SPTB: variants seen among roughly 807,000 people sequenced by gnomAD.
SPTB encodes the protein spectrin beta, erythrocytic.
In SPTB, 45 loss-of-function variants were observed where a neutral mutation model predicts 256.2. The observed-to-expected ratio is 0.18, with a 90% CI of 0.14 to 0.23. The LOEUF is 0.23. Ranked by LOEUF, SPTB falls within the 10% of genes least tolerant of loss-of-function variation. The pLI, the probability that SPTB is intolerant of heterozygous loss-of-function variation, is 1.00. For synonymous variants in SPTB, 1,231 were observed against 1,243.1 expected, an observed-to-expected ratio of 0.99 and a Z score of 0.21; for missense variants, 2,715 against 3,040.4, an observed-to-expected ratio of 0.89 and a Z score of 2.52.
intron 33 of SPTB, among the ~76,000 whole-genome samples, chr14:64,753,214 A>C (rs974718581): frequency 6.6e-6 from 1 of 152,188 alleles, no homozygotes. Flanking sequence ...CCAAGTGCCT[A>C]CTGTGTGCCA....
chr14:64,753,444 C>T (rs2081978728), intron 33 of SPTB, 93 bp downstream of exon 33: 1 of 1,593,950 alleles, frequency 6.3e-7, no homozygotes, highest in East Asian at 2.2e-5. Context: ...ACCCCTCCCC[C>T]AGCACATGCC....
chr14:64,775,299 C>T lies in SPTB; in HGVS notation c.4668G>A (p.Glu1556=), dbSNP rs1234003150. ...AGCTCTGCAGGTGCCCCAGGCGCTCCTCAAGGTCCTGGCAGTCGATCTCCG... is the reference window on the plus strand; with the variant it reads ...AGCTCTGCAGGTGCCCCAGGCGCTCTTCAAGGTCCTGGCAGTCGATCTCCG... ...EAAEIDCQDL[E]ERLGHLQSSW... is the part of the protein sequence containing the mutation. Residue 1556 remains glutamate, a synonymous_variant, in exon 23 of 36, where the codon GAG becomes GAA. Transcript: ENST00000644917. The surrounding 1 kb of genome is among the most constrained non-coding windows in gnomAD (Gnocchi z 5.0). 6.2e-7 allele frequency: 1 copy of T among 1,613,164 alleles called. No individual in the cohort carries two copies. The highest frequency in any genetic ancestry group is 8.5e-7 in the Non-Finnish European group (1 of 1,179,762).
rs1196954686 is a variant in SPTB, at chr14:64,873,125, C to T, written c.-52+6667G>A. The stretch of plus-strand genomic sequence containing the variant: ...ATCAGATAGTGTTTTCCCAACCACC[C>T]TACCTGAAATAGTAGAACCACCCTT... On this transcript the variant is annotated intron_variant, in intron 1 of 35. Transcript: ENST00000644917. The surrounding 1 kb of genome is among the most constrained non-coding windows in gnomAD (Gnocchi z 4.3). 1.3e-5 allele frequency among the ~76,000 whole-genome samples: 2 copies of T among 152,184 alleles called. No individual in the cohort carries two copies. Among genetic ancestry groups the T allele is most frequent in the African/African-American group, 4.8e-5 (2 of 41,442 alleles).
In SPTB at chr14:64,767,455, C is replaced by A. The variant is rs1263698690; in HGVS notation, c.6220-103G>T. On this transcript the variant is annotated intron_variant, in intron 30 of 35. Transcript: ENST00000644917. ...GGCCCTGCACCCCCACATGCCCTGA[C>A]ACTTGTTCCTTCTAGAGTCAGCCCC... is the stretch of plus-strand genomic sequence containing the variant. 2.0e-6 allele frequency: 3 copies of A among 1,512,992 alleles called. No individual in the cohort carries two copies. In the East Asian group the frequency reaches 6.7e-5, roughly 34 times the overall value. 93.7% of individuals were successfully genotyped at this position (1,512,992 alleles called of 1,614,324 possible). A position where few individuals can be genotyped will look rare whatever the true frequency, so the allele number is the denominator to read the frequency against.
At position 64,826,779 on chromosome 14, in the gene SPTB, G is replaced by T. The variant is rs2083383517; in HGVS notation, c.-51-3634C>A. 6.6e-6 allele frequency among the ~76,000 whole-genome samples: 1 copy of T among 151,990 alleles called. No homozygotes were observed. On this transcript the variant is annotated intron_variant, in intron 1 of 35. Transcript: ENST00000644917. The surrounding 1 kb of genome is among the most constrained non-coding windows in gnomAD (Gnocchi z 4.4). ...ACCTGCCCCATCCATCCATCCACCT[G>T]CCCGTCTAGCAGCTCTAAATGCACA... is the stretch of plus-strand genomic sequence containing the variant.
intron 1 of SPTB, among the ~76,000 whole-genome samples, chr14:64,850,828 T>C (rs1294819012): frequency 6.6e-6 from 1 of 152,234 alleles, no homozygotes; most frequent in Non-Finnish European, 1.5e-5. Flanking sequence ...ACTCTGTTCT[T>C]CTGAAGTATA....
At chr14:64,837,811 G>A (rs1033302263) in intron 1 of SPTB, among the ~76,000 whole-genome samples, 1 of 152,100 alleles carries the variant, frequency 6.6e-6, no homozygotes, top group Non-Finnish European at 1.5e-5. Flanking sequence ...ATGTTGGCCA[G>A]GCAGGTCTCA....
At chr14:64,769,226 G>T in intron 28 of SPTB, 108 bp from the exon 29 acceptor site, 1 of 1,124,016 alleles carries the variant, frequency 8.9e-7, no homozygotes. Context: ...CTACAGCCCT[G>T]GCTTCAAGTC....
chr14:64,765,814 GTGTGTGAGTGTGTGT>G lies in SPTB; in HGVS notation c.6345+897_6345+911del, dbSNP rs1285494441. On this transcript the variant is annotated intron_variant, in intron 32 of 35. Coordinates refer to ENST00000644917, the MANE Select transcript of SPTB (RefSeq NM_001355436.2). Reference sequence around the variant, plus strand: ...ACAGCTGAGTGATTGGGGTGTGTGTGTGTGTGAGTGTGTGTGTGTGTGGGGGTGTGGTGTGTGCAC... The same window carrying G: ...ACAGCTGAGTGATTGGGGTGTGTGTGGTGTGTGGGGGTGTGGTGTGTGCAC... Among the ~76,000 whole-genome samples the G allele has an allele frequency of 4.8e-3, 708 of 147,126 alleles. 34 individuals carry two copies. Among genetic ancestry groups the G allele is most frequent in the African/African-American group, 0.017 (634 of 38,214 alleles).
At position 64,797,750 on chromosome 14, in the gene SPTB, T is replaced by G; in HGVS notation, c.1161A>C (p.Lys387Asn). The change falls in exon 10 of 36, where the codon AAA becomes AAC. Residue 387 changes from lysine (K) to asparagine (N), a missense_variant. Coordinates refer to ENST00000644917, the MANE Select transcript of SPTB (RefSeq NM_001355436.2). ...GTACCCTGTTGATGTCAGACACTAG[T>G]TTCCCATCGTGGGGTGTGTACACTT... Reference protein sequence around the residue: ...NQKVYTPHDGKLVSDINRAWE... With the variant: ...NQKVYTPHDGNLVSDINRAWE... The G allele has an allele frequency of 6.2e-7, 1 of 1,613,598 alleles. No individual in the cohort carries two copies. The highest frequency in any genetic ancestry group is 1.3e-5 in the African/African-American group (1 of 75,012).
At chr14:64,755,923 T>C (rs1393204411) in intron 32 of SPTB, 5 of 152,014 alleles carry the variant, frequency 3.3e-5, no homozygotes, top group African/African-American at 1.2e-4. Context: ...ATTAGCAACA[T>C]CACCATTCGA....
chr14:64,852,965 G>A lies in SPTB; in HGVS notation c.-52+26827C>T, dbSNP rs1240526609. The stretch of plus-strand genomic sequence containing the variant: ...CAGAGTGCTGCCGAGGAGACGTATA[G>A]GTACTAGGCAAGCATTAACAGGGAG... On this transcript the variant is annotated intron_variant, in intron 1 of 35. Coordinates refer to ENST00000644917, the MANE Select transcript of SPTB (RefSeq NM_001355436.2). The surrounding 1 kb of genome is among the most constrained non-coding windows in gnomAD (Gnocchi z 4.2). 6.6e-6 allele frequency among the ~76,000 whole-genome samples: 1 copy of A among 152,202 alleles called. No individual in the cohort carries two copies. Among genetic ancestry groups the A allele is most frequent in the South Asian group, 2.1e-4 (1 of 4,830 alleles).
chr14:64,766,671 A>T, intron 32 of SPTB, 55 bp downstream of exon 32: 1 of 1,612,960 alleles, frequency 6.2e-7, no homozygotes, highest in Non-Finnish European at 8.5e-7. Context: ...TAGGGGTGAG[A>T]GGGCTCTGGC....
At chr14:64,781,140 A>G (rs56093021) in intron 20 of SPTB, among the ~76,000 whole-genome samples, 1 of 152,314 alleles carries the variant, frequency 6.6e-6, no homozygotes, top group Admixed American at 6.5e-5. Context: ...AACCTAGGCA[A>G]TATCATCCTG....
rs1445789328 is a variant in SPTB, at chr14:64,792,556, T to C, written c.2666+441A>G. 1.3e-5 allele frequency among the ~76,000 whole-genome samples: 2 copies of C among 152,086 alleles called. No homozygotes were observed. Among genetic ancestry groups the C allele is most frequent in the Non-Finnish European group, 2.9e-5 (2 of 68,000 alleles). On this transcript the variant is annotated intron_variant, in intron 14 of 35. Coordinates refer to ENST00000644917, the MANE Select transcript of SPTB (RefSeq NM_001355436.2). The surrounding 1 kb of genome is among the most constrained non-coding windows in gnomAD (Gnocchi z 4.2). The stretch of plus-strand genomic sequence containing the variant: ...CAGAACACCAGGGGTGAGAGTGGCC[T>C]TGCAGACAGGGGGTTTGCAAATTCT...
intron 33 of SPTB, among the ~76,000 whole-genome samples, chr14:64,750,599 A>C (rs1291484028): frequency 6.6e-6 from 1 of 151,866 alleles, no homozygotes; most frequent in Non-Finnish European, 1.5e-5. Context: ...AACGTGGTAA[A>C]ACCCCATCTC....
intron 9 of SPTB, 124 bp from the exon 10 acceptor site, chr14:64,797,970 C>T: frequency 2.6e-6 from 2 of 773,900 alleles, no homozygotes; most frequent in South Asian, 2.8e-5. Flanking sequence ...CCCTTAAAAA[C>T]ACAGAAAAAC....
In SPTB at chr14:64,779,294, C is replaced by A. The variant is rs1345836532; in HGVS notation, c.4474-48G>T. On this transcript the variant is annotated intron_variant, in intron 21 of 35. Transcript: ENST00000644917. This position sits in a 1 kb window ranked among gnomAD's most constrained non-coding sequence, Gnocchi z 4.2. ...GAGAGCTGATGACAATCACGGCCAA[C>A]CTTTCCTGAGTGCTCACCATGGGCG... is the stretch of plus-strand genomic sequence containing the variant. 1.3e-6 allele frequency: 2 copies of A among 1,512,222 alleles called. No homozygotes were observed. Among genetic ancestry groups the A allele is most frequent in the African/African-American group, 1.4e-5 (1 of 70,660 alleles). The allele number at this position is 1,512,222 out of a possible 1,614,324, so 93.7% of individuals were successfully genotyped here.
At chr14:64,750,968 TATA>T (rs1408352684) in intron 33 of SPTB, among the ~76,000 whole-genome samples, 2 of 145,780 alleles carry the variant, frequency 1.4e-5, no homozygotes, top group East Asian at 3.9e-4. Flanking sequence ...TTATACATCA[TATA>T]ATGTATATTT....
Sources: gnomAD v4.1 joint callset for allele counts (sites outside exome capture counted in the v4.1 genomes callset) on GRCh38, gnomAD v4.1.1 for gene constraint, Gnocchi (gnomAD v3.1) non-coding constraint, MANE v1.5 for transcripts, NCBI Gene and HGNC (gene_info 2026-07-23, HGNC 2026-07-21) for gene names.